PLXDC2: variants seen among roughly 807,000 people sequenced by gnomAD.
PLXDC2 encodes plexin domain containing 2.
Under a neutral mutation model 68.9 loss-of-function variants are expected in PLXDC2, and 40 were observed. That is an observed-to-expected ratio of 0.58 (90% CI 0.45 to 0.76). PLXDC2 has a LOEUF of 0.76. PLXDC2 is among the 30% of genes least tolerant of loss of function. PLXDC2 has a pLI of 0.00. For synonymous variants in PLXDC2, 243 were observed against 234.2 expected, an observed-to-expected ratio of 1.04 and a Z score of -0.34; for missense variants, 644 against 661.9, an observed-to-expected ratio of 0.97 and a Z score of 0.30.
chr10:19,939,896 A>G (rs1228822191), intron 1 of PLXDC2, among the ~76,000 whole-genome samples: 5 of 151,952 alleles, frequency 3.3e-5, no homozygotes, highest in Admixed American at 3.3e-4. Flanking sequence ...CTAATTTTCC[A>G]CCTATATAGC....
At chr10:19,898,783 T>A (rs1255568479) in intron 1 of PLXDC2, among the ~76,000 whole-genome samples, 1 of 152,128 alleles carries the variant, frequency 6.6e-6, no homozygotes, top group Non-Finnish European at 1.5e-5. Flanking sequence ...AAATTTCTTA[T>A]ACGCAACAGA....
intron 4 of PLXDC2, among the ~76,000 whole-genome samples, chr10:20,115,033 T>TA (rs1178996020): frequency 1.3e-5 from 2 of 152,204 alleles, no homozygotes; most frequent in Non-Finnish European, 2.9e-5. Context: ...AATTTTTTTT[T>TA]ACCACTTTCT....
At chr10:20,122,512 G>A (rs973369927) in intron 4 of PLXDC2, among the ~76,000 whole-genome samples, 1 of 152,220 alleles carries the variant, frequency 6.6e-6, no homozygotes, top group African/African-American at 2.4e-5. Context: ...TGCCAGGTGA[G>A]TTGGACAGTC....
intron 6 of PLXDC2, among the ~76,000 whole-genome samples, chr10:20,158,804 G>A (rs1447640989): frequency 6.6e-6 from 1 of 152,092 alleles, no homozygotes; most frequent in African/African-American, 2.4e-5. Context: ...AAAATATCAG[G>A]TGTGGAGAGG....
intron 7 of PLXDC2, among the ~76,000 whole-genome samples, chr10:20,172,788 C>A (rs1208775099): frequency 6.6e-6 from 1 of 152,094 alleles, no homozygotes; most frequent in African/African-American, 2.4e-5. Context: ...GGAACTCTGG[C>A]CATTTAAGTT....
chr10:20,105,502 G>A (rs1030174626), intron 4 of PLXDC2, among the ~76,000 whole-genome samples: 2 of 152,084 alleles, frequency 1.3e-5, no homozygotes, highest in African/African-American at 4.8e-5. Context: ...TTCTTATTTG[G>A]CTCCAGCAAG....
chr10:19,991,361 T>C (rs1384817677), intron 1 of PLXDC2, among the ~76,000 whole-genome samples: 2 of 151,056 alleles, frequency 1.3e-5, no homozygotes, highest in African/African-American at 4.9e-5. Context: ...TTTTTTTTTT[T>C]TTGGCTTAAT....
intron 1 of PLXDC2, among the ~76,000 whole-genome samples, chr10:19,878,801 C>A (rs1837679389): frequency 6.6e-6 from 1 of 152,094 alleles, no homozygotes; most frequent in Non-Finnish European, 1.5e-5. Flanking sequence ...CTGTCATCTC[C>A]CACATATTAG....
At chr10:19,837,325 A>G (rs1836813061) in intron 1 of PLXDC2, among the ~76,000 whole-genome samples, 1 of 152,098 alleles carries the variant, frequency 6.6e-6, no homozygotes, top group African/African-American at 2.4e-5. Flanking sequence ...CTTTCAGGAT[A>G]GATCATACGG....
chr10:20,103,863 G>C (rs7082268), intron 4 of PLXDC2, among the ~76,000 whole-genome samples: 7 of 151,910 alleles, frequency 4.6e-5, no homozygotes, highest in Admixed American at 3.9e-4. Context: ...GGCTGGTCTC[G>C]AACTCCTGAC....
At chr10:19,979,132 A>G (rs529589613) in intron 1 of PLXDC2, among the ~76,000 whole-genome samples, 5 of 152,284 alleles carry the variant, frequency 3.3e-5, no homozygotes, top group African/African-American at 1.2e-4. Flanking sequence ...CCAAACATTC[A>G]TAAACTTCAT....
At chr10:19,934,521 A>G (rs9651367) in intron 1 of PLXDC2, among the ~76,000 whole-genome samples, 112,968 of 152,100 alleles carry the variant, frequency 0.74, 42,445 homozygotes, top group African/African-American at 0.86. Context: ...TGCGATCATT[A>G]CATTGGTCAC....
In PLXDC2 at chr10:20,289,198, C is replaced by G. The variant is rs915149867; in HGVS notation, c.*9379C>G. The G allele has an allele frequency of 1.4e-4, 22 of 152,118 alleles. No homozygotes were observed. The highest frequency in any genetic ancestry group is 5.1e-4 in the African/African-American group (21 of 41,420). The allele number at this position is 152,118 out of a possible 1,614,324, so 9.4% of individuals were successfully genotyped here. On this transcript the variant is annotated 3_prime_UTR_variant, in exon 14 of 14. Coordinates refer to ENST00000377252, the MANE Select transcript of PLXDC2 (RefSeq NM_032812.9). ...GATAGAAAGTTATTTTGCTTCTAAA[C>G]CCACCCCGATGTGGAAACTGATACT...
At chr10:20,130,537 A>G (rs1159743797) in intron 4 of PLXDC2, among the ~76,000 whole-genome samples, 1 of 152,102 alleles carries the variant, frequency 6.6e-6, no homozygotes, top group East Asian at 1.9e-4. Context: ...ATTATATTGA[A>G]TAGAAGTGGC....
chr10:20,076,869 A>G (rs1478905251), intron 4 of PLXDC2, among the ~76,000 whole-genome samples: 1 of 152,184 alleles, frequency 6.6e-6, no homozygotes, highest in South Asian at 2.1e-4. Context: ...AGACTGTCCC[A>G]TGATGACATT....
Position 20,288,968 on chromosome 10 carries a change from G to A in PLXDC2, c.*9149G>A, listed in dbSNP as rs1836195251. On this transcript the variant is annotated 3_prime_UTR_variant, in exon 14 of 14. Coordinates refer to ENST00000377252, the MANE Select transcript of PLXDC2 (RefSeq NM_032812.9). The stretch of plus-strand genomic sequence containing the variant: ...GTCAACAAATTTGGGATTTTAGAAG[G>A]GGGAGGAGGGAGCTATTTGTGTAAG... 2 of 152,158 alleles carry A rather than the reference G, an allele frequency of 1.3e-5. No homozygotes were observed. Among genetic ancestry groups the A allele is most frequent in the Non-Finnish European group, 2.9e-5 (2 of 68,036 alleles). The allele number at this position is 152,158 out of a possible 1,614,324, so 9.4% of individuals were successfully genotyped here.
At chr10:19,851,139 C>T (rs1837110141) in intron 1 of PLXDC2, among the ~76,000 whole-genome samples, 1 of 151,880 alleles carries the variant, frequency 6.6e-6, no homozygotes, top group Admixed American at 6.6e-5. Flanking sequence ...TGGTTTTGGA[C>T]ATAGATGGGG....
chr10:20,114,556 T>C (rs1405769192), intron 4 of PLXDC2, among the ~76,000 whole-genome samples: 1 of 152,204 alleles, frequency 6.6e-6, no homozygotes, highest in East Asian at 1.9e-4. Context: ...TGAGAAGACC[T>C]GTAACAGACG....
At chr10:19,937,996 C>A (rs1833757605) in intron 1 of PLXDC2, among the ~76,000 whole-genome samples, 1 of 152,080 alleles carries the variant, frequency 6.6e-6, no homozygotes, top group Admixed American at 6.5e-5. Flanking sequence ...TCCTTCAGCC[C>A]TGGATGCTTC....
Sources: gnomAD v4.1 joint callset for allele counts (sites outside exome capture counted in the v4.1 genomes callset) on GRCh38, gnomAD v4.1.1 for gene constraint, MANE v1.5 for transcripts, NCBI Gene and HGNC (gene_info 2026-07-23, HGNC 2026-07-21) for gene names.